The following ITPR1 variants were observed in gnomAD, a reference collection of about 807,000 sequenced individuals.
The protein encoded by ITPR1 is inositol 1,4,5-trisphosphate receptor type 1.
In ITPR1, 96 loss-of-function variants were observed where a neutral mutation model predicts 318.4. The observed-to-expected ratio is 0.30, with a 90% CI of 0.26 to 0.36. ITPR1 has a LOEUF of 0.36. Ranked by LOEUF, ITPR1 falls within the 10% of genes least tolerant of loss-of-function variation. ITPR1 has a pLI of 1.00. For synonymous variants in ITPR1, 1,312 were observed against 1,289.9 expected, an observed-to-expected ratio of 1.02 and a Z score of -0.37; for missense variants, 2,440 against 3,460.2, an observed-to-expected ratio of 0.71 and a Z score of 7.40.
intron 53 of ITPR1, among the ~76,000 whole-genome samples, chr3:4,796,986 A>C (rs776216498): frequency 6.6e-6 from 1 of 152,132 alleles, no homozygotes; most frequent in Non-Finnish European, 1.5e-5. Context: ...TGGTATGACT[A>C]TCGAGGGTCC....
chr3:4,829,954 GTTTTTTTTT>G (rs35099159), intron 60 of ITPR1, among the ~76,000 whole-genome samples: 6 of 27,112 alleles, frequency 2.2e-4, no homozygotes, highest in Admixed American at 1.8e-3. Flanking sequence ...ATGTATAACA[GTTTTTTTTT>G]TTTTTTTTTT....
At chr3:4,517,188 ATCTTCTCCCG>A (rs2082232098) in intron 3 of ITPR1, among the ~76,000 whole-genome samples, 2 of 152,334 alleles carry the variant, frequency 1.3e-5, no homozygotes, top group Admixed American at 1.3e-4. Flanking sequence ...TCATTTGATT[ATCTTCTCCCG>A]TCTCCTCCTA....
chr3:4,810,364 G>C (rs1415055409), intron 55 of ITPR1, among the ~76,000 whole-genome samples: 2 of 152,180 alleles, frequency 1.3e-5, no homozygotes, highest in African/African-American at 4.8e-5. Flanking sequence ...TGTGACTGTA[G>C]CTCTTGGAAA....
At chr3:4,722,520 A>G (rs988971337) in intron 40 of ITPR1, among the ~76,000 whole-genome samples, 12 of 152,220 alleles carry the variant, frequency 7.9e-5, no homozygotes, top group South Asian at 2.1e-4. Context: ...TTTACTAAAC[A>G]TTATCTTTTC....
chr3:4,742,913 C>T (rs910446766), intron 44 of ITPR1, among the ~76,000 whole-genome samples: 2 of 152,214 alleles, frequency 1.3e-5, no homozygotes, highest in Admixed American at 6.5e-5. Flanking sequence ...TATTTTCACA[C>T]TCAATTGACC....
intron 52 of ITPR1, among the ~76,000 whole-genome samples, chr3:4,793,384 C>CT (rs1201321888): frequency 6.6e-6 from 1 of 152,166 alleles, no homozygotes; most frequent in Non-Finnish European, 1.5e-5. Context: ...GTTTTATGAG[C>CT]TTTTTATACA....
At chr3:4,841,302 T>C (rs370306703) in intron 61 of ITPR1, among the ~76,000 whole-genome samples, 1 of 152,182 alleles carries the variant, frequency 6.6e-6, no homozygotes, top group East Asian at 1.9e-4. Context: ...AAGTTTGCAG[T>C]GCAGAAGGAG....
chr3:4,833,994 C>T (rs1435398991), intron 60 of ITPR1, among the ~76,000 whole-genome samples: 7 of 152,188 alleles, frequency 4.6e-5, no homozygotes, highest in South Asian at 2.1e-4. Context: ...TGGGCTCAAA[C>T]GATCCTCCTG....
intron 44 of ITPR1, among the ~76,000 whole-genome samples, chr3:4,752,407 A>G (rs2044605755): frequency 6.6e-6 from 1 of 152,170 alleles, no homozygotes. Context: ...TCGATGGATT[A>G]AGGATCCTCA....
At chr3:4,783,996 G>C in intron 51 of ITPR1, 76 bp downstream of exon 51, 1 of 987,322 alleles carries the variant, frequency 1.0e-6, no homozygotes. Flanking sequence ...TGGGGCTGGC[G>C]TGCATTCATT....
intron 10 of ITPR1, among the ~76,000 whole-genome samples, chr3:4,649,847 G>T (rs1414339848): frequency 2.6e-5 from 4 of 152,074 alleles, no homozygotes; most frequent in African/African-American, 9.7e-5. Flanking sequence ...GACTTTCTGG[G>T]GTCTGTTTTA....
chr3:4,840,319 T>C (rs2051250858), intron 61 of ITPR1, among the ~76,000 whole-genome samples: 1 of 152,156 alleles, frequency 6.6e-6, no homozygotes, highest in Non-Finnish European at 1.5e-5. Flanking sequence ...GAAAAAATTT[T>C]GAATTAAAAA....
At chr3:4,646,480 G>C (rs1271875722) in intron 10 of ITPR1, among the ~76,000 whole-genome samples, 1 of 152,232 alleles carries the variant, frequency 6.6e-6, no homozygotes, top group African/African-American at 2.4e-5. Flanking sequence ...TTGGTGAAGG[G>C]CACGGGATAG....
In ITPR1 at chr3:4,667,370, T is replaced by G. The variant is rs1249440818; in HGVS notation, c.1714-7T>G. 1.9e-6 allele frequency: 3 copies of G among 1,596,936 alleles called. No homozygotes were observed. The highest frequency in any genetic ancestry group is 1.7e-5 in the Admixed American group (1 of 57,438). On this transcript the variant is annotated splice_region_variant and splice_polypyrimidine_tract_variant and intron_variant, in intron 17 of 61. Coordinates refer to ENST00000649015, the MANE Select transcript of ITPR1 (RefSeq NM_001378452.1). ...CCTACTGACGTCTCTTTTCTCTCCT[T>G]ATAAAGGAGTATATAGCCAAGCAGT...
At chr3:4,702,673 C>T (rs1198707552) in intron 35 of ITPR1, among the ~76,000 whole-genome samples, 157 bp from the exon 36 acceptor site, 1 of 152,184 alleles carries the variant, frequency 6.6e-6, no homozygotes, top group African/African-American at 2.4e-5. Context: ...ATCCAGGCAT[C>T]CCCTCTCACC....
At chr3:4,514,017 G>A (rs961578860) in intron 2 of ITPR1, among the ~76,000 whole-genome samples, 1 of 152,114 alleles carries the variant, frequency 6.6e-6, no homozygotes, top group African/African-American at 2.4e-5. Context: ...AACCTGGGAG[G>A]TGGAGGTTGC....
chr3:4,742,268 G>A (rs1575089106), intron 44 of ITPR1, among the ~76,000 whole-genome samples: 1 of 152,208 alleles, frequency 6.6e-6, no homozygotes, highest in African/African-American at 2.4e-5. Context: ...TTGAAACTCA[G>A]TTTCCTCATC....
chr3:4,607,152 G>C (rs950976630), intron 4 of ITPR1, among the ~76,000 whole-genome samples: 1 of 152,158 alleles, frequency 6.6e-6, no homozygotes, highest in Admixed American at 6.5e-5. Flanking sequence ...GCAGTGACTT[G>C]AGTCCTAGAA....
chr3:4,576,107 T>C (rs1330952879), intron 4 of ITPR1, among the ~76,000 whole-genome samples: 1 of 152,166 alleles, frequency 6.6e-6, no homozygotes, highest in Non-Finnish European at 1.5e-5. Context: ...GTTTTCTTTA[T>C]AATGAATGAA....
Sources: gnomAD v4.1 joint callset for allele counts (sites outside exome capture counted in the v4.1 genomes callset) on GRCh38, gnomAD v4.1.1 for gene constraint, MANE v1.5 for transcripts, NCBI Gene and HGNC (gene_info 2026-07-23, HGNC 2026-07-21) for gene names.